The following SEPTIN9 variants were observed in gnomAD, a reference collection of about 807,000 sequenced individuals.
The protein encoded by SEPTIN9 is septin-9.
A neutral mutation model predicts 56.6 loss-of-function variants in SEPTIN9; 13 were observed. The ratio of observed to expected loss-of-function variants is 0.23; its 90% CI spans 0.15 to 0.37. The LOEUF (loss-of-function observed/expected upper bound fraction) is 0.37, where lower values mean the gene tolerates loss of function less well. SEPTIN9 is among the 10% of genes least tolerant of loss of function. The pLI is 1.00. For missense variants in SEPTIN9, 650 were observed against 823.1 expected, an observed-to-expected ratio of 0.79 and a Z score of 2.57; for synonymous variants, 332 against 334.1, an observed-to-expected ratio of 0.99 and a Z score of 0.07.
intron 2 of SEPTIN9, chr17:77,320,301 C>T (rs778765666): frequency 1.1e-5 from 18 of 1,612,366 alleles, no homozygotes; most frequent in South Asian, 5.5e-5. Flanking sequence ...CCGGGACTCC[C>T]GCCGCTGCTA....
At chr17:77,494,485 T>G (rs2040168243) in intron 10 of SEPTIN9, among the ~76,000 whole-genome samples, 1 of 152,218 alleles carries the variant, frequency 6.6e-6, no homozygotes, top group Non-Finnish European at 1.5e-5. Flanking sequence ...GGGCCTCAGT[T>G]TTCATCATCC....
intron 2 of SEPTIN9, among the ~76,000 whole-genome samples, chr17:77,394,952 A>G (rs959044335): frequency 2.6e-5 from 4 of 152,226 alleles, no homozygotes; most frequent in Middle Eastern, 3.4e-3. Flanking sequence ...TGAGAATAGG[A>G]GAAGCCCTGT....
chr17:77,350,060 T>C (rs2034008271), intron 2 of SEPTIN9, among the ~76,000 whole-genome samples: 1 of 152,238 alleles, frequency 6.6e-6, no homozygotes, highest in Admixed American at 6.5e-5. Flanking sequence ...GCTGGCCGAA[T>C]GTGGGGTCTC....
intron 2 of SEPTIN9, chr17:77,373,629 G>C (rs932337007): frequency 6.6e-7 from 1 of 1,515,434 alleles, no homozygotes; most frequent in East Asian, 2.7e-5. Context: ...CGGGACGGGG[G>C]TGCGCTGAGG....
chr17:77,289,173 T>G (rs1375986202), intron 1 of SEPTIN9, among the ~76,000 whole-genome samples: 1 of 151,932 alleles, frequency 6.6e-6, no homozygotes, highest in Non-Finnish European at 1.5e-5. Flanking sequence ...CTTGGCTCAC[T>G]GCAACCTCTG....
At chr17:77,378,738 A>AC (rs571617421) in intron 2 of SEPTIN9, among the ~76,000 whole-genome samples, 1 of 150,882 alleles carries the variant, frequency 6.6e-6, no homozygotes, top group African/African-American at 2.4e-5. Context: ...CAGCCATGGG[A>AC]CCCCCCTTTT....
chr17:77,414,214 G>A (rs1424603917), intron 3 of SEPTIN9, among the ~76,000 whole-genome samples: 1 of 152,046 alleles, frequency 6.6e-6, no homozygotes, highest in Non-Finnish European at 1.5e-5. Flanking sequence ...GAGTAGCTGA[G>A]ATTACAGACA....
At chr17:77,477,110 G>A (rs147950460) in intron 3 of SEPTIN9, among the ~76,000 whole-genome samples, 19 of 124,910 alleles carry the variant, frequency 1.5e-4, no homozygotes, top group African/African-American at 6.0e-4. Context: ...TTCCTTCCCT[G>A]TTTCCTTCCC....
chr17:77,425,228 G>A lies in SEPTIN9; in HGVS notation c.721+22525G>A, dbSNP rs1347346038. 6.6e-6 allele frequency among the ~76,000 whole-genome samples: 1 copy of A among 152,162 alleles called. No homozygotes were observed. Among genetic ancestry groups the A allele is most frequent in the East Asian group, 1.9e-4 (1 of 5,184 alleles). ...GTCGTGCGGGCTGGGGACTGAGAGT[G>A]CCGGAGGAGGGCCTCCCAGGAAAAC... On this transcript the variant is annotated intron_variant, in intron 3 of 11. Coordinates refer to ENST00000427177, the MANE Select transcript of SEPTIN9 (RefSeq NM_001113491.2). The surrounding 1 kb of genome is among the most constrained non-coding windows in gnomAD (Gnocchi z 4.2).
At chr17:77,372,351 A>C (rs2034747312) in intron 2 of SEPTIN9, among the ~76,000 whole-genome samples, 1 of 152,158 alleles carries the variant, frequency 6.6e-6, no homozygotes, top group Admixed American at 6.5e-5. Flanking sequence ...TGTCTAACCC[A>C]GGTCCCCAGG....
In SEPTIN9 at chr17:77,319,642, G is replaced by A. The variant is rs1414015621; in HGVS notation, c.76+12445G>A. 3 of 1,062,506 alleles carry A rather than the reference G, an allele frequency of 2.8e-6. No homozygotes were observed. The highest frequency in any genetic ancestry group is 3.4e-6 in the Non-Finnish European group (3 of 877,612). 65.8% of individuals were successfully genotyped at this position (1,062,506 alleles called of 1,614,324 possible). On this transcript the variant is annotated intron_variant, in intron 2 of 11. Coordinates refer to ENST00000427177, the MANE Select transcript of SEPTIN9 (RefSeq NM_001113491.2). The surrounding 1 kb of genome is among the most constrained non-coding windows in gnomAD (Gnocchi z 5.3). ...ACGGCCGTTCCTCCTGCCCAGCCAC[G>A]TTGGGGTACAGGGTGAAGAAGGGCT...
chr17:77,394,933 G>A (rs1477816150), intron 2 of SEPTIN9, among the ~76,000 whole-genome samples: 8 of 152,202 alleles, frequency 5.3e-5, no homozygotes, highest in African/African-American at 1.4e-4. Flanking sequence ...AGCTGAGACC[G>A]TAGGTGCTTG....
intron 3 of SEPTIN9, among the ~76,000 whole-genome samples, chr17:77,409,167 T>C (rs937505266): frequency 3.3e-5 from 5 of 152,026 alleles, no homozygotes; most frequent in Admixed American, 3.3e-4. Flanking sequence ...CCCTTTTACT[T>C]TGGGATTGGG....
In SEPTIN9 at chr17:77,320,100, A is replaced by G. The variant is rs892770136; in HGVS notation, c.76+12903A>G. The G allele has an allele frequency of 3.5e-6, 5 of 1,444,722 alleles. No homozygotes were observed. In the Admixed American group the frequency reaches 7.8e-5, roughly 23 times the overall value. 89.5% of individuals were successfully genotyped at this position (1,444,722 alleles called of 1,614,324 possible). On this transcript the variant is annotated intron_variant, in intron 2 of 11. Coordinates refer to ENST00000427177, the MANE Select transcript of SEPTIN9 (RefSeq NM_001113491.2). ...CCTCCCGTTTTGAAGAGACAATGCT[A>G]CTTCAGTTTGGAGCACAAACATATG... is the stretch of plus-strand genomic sequence containing the variant.
chr17:77,488,991 G>A (rs1045408602), intron 7 of SEPTIN9, 127 bp downstream of exon 7: 39 of 1,230,998 alleles, frequency 3.2e-5, no homozygotes, highest in East Asian at 5.0e-5. Context: ...GGCCATGGCC[G>A]CCAGCTATGA....
rs144712729 is a variant in SEPTIN9, at chr17:77,337,133, A to C, written c.76+29936A>C. Among the ~76,000 whole-genome samples the C allele has an allele frequency of 4.5e-3, 679 of 151,770 alleles. 7 individuals are homozygous for C. The highest frequency in any genetic ancestry group is 0.015 in the African/African-American group (636 of 41,352). ...CTCCCACCTCAGCCTCCTAAGTAGC[A>C]GGGACTATAGGCACATGCCACCATG... On this transcript the variant is annotated intron_variant, in intron 2 of 11. Transcript: ENST00000427177.
chr17:77,436,291 GCA>G lies in SEPTIN9; in HGVS notation c.721+33591_721+33592del, dbSNP rs2037334689. 6.6e-6 allele frequency among the ~76,000 whole-genome samples: 1 copy of G among 152,188 alleles called. No individual in the cohort carries two copies. The highest frequency in any genetic ancestry group is 2.4e-5 in the African/African-American group (1 of 41,454). On this transcript the variant is annotated intron_variant, in intron 3 of 11. Coordinates refer to ENST00000427177, the MANE Select transcript of SEPTIN9 (RefSeq NM_001113491.2). This position sits in a 1 kb window ranked among gnomAD's most constrained non-coding sequence, Gnocchi z 4.4. ...GTGGGCGGGGACACAGCGCTGTTCG[GCA>G]CAGTCCCCTCTGAGCCACCCTGCAT...
chr17:77,478,467 G>A (rs949345524), intron 3 of SEPTIN9, among the ~76,000 whole-genome samples: 10 of 152,158 alleles, frequency 6.6e-5, no homozygotes, highest in African/African-American at 1.2e-4. Context: ...AGTAGCCAGC[G>A]GGTAGAAACA....
intron 2 of SEPTIN9, among the ~76,000 whole-genome samples, chr17:77,357,342 T>C (rs2034287610): frequency 6.6e-6 from 1 of 151,480 alleles, no homozygotes; most frequent in South Asian, 2.1e-4. Flanking sequence ...GGCTCCCTCT[T>C]ACCTTTCTCT....
Sources: gnomAD v4.1 joint callset for allele counts (sites outside exome capture counted in the v4.1 genomes callset) on GRCh38, gnomAD v4.1.1 for gene constraint, Gnocchi (gnomAD v3.1) non-coding constraint, MANE v1.5 for transcripts, NCBI Gene and HGNC (gene_info 2026-07-23, HGNC 2026-07-21) for gene names.